The following FOXN2 variants were observed in gnomAD, a reference collection of about 807,000 sequenced individuals.
FOXN2 encodes forkhead box protein N2.
A neutral mutation model predicts 41.2 loss-of-function variants in FOXN2; 19 were observed. The ratio of observed to expected loss-of-function variants is 0.46; its 90% confidence interval spans 0.32 to 0.68. The LOEUF (loss-of-function observed/expected upper bound fraction) is 0.68. Among genes scored for constraint, FOXN2 ranks in the 30% least tolerant of loss-of-function variants. The pLI is 0.03. For missense variants in FOXN2, 587 were observed against 509.4 expected (o/e 1.15, Z -1.47); for synonymous variants, 195 against 176.8 (o/e 1.10, Z -0.82).
intron 3 of FOXN2, among the ~76,000 whole-genome samples, chr2:48,358,471 C>T (rs886167860): frequency 9.2e-5 from 14 of 152,160 alleles, no homozygotes; most frequent in South Asian, 6.2e-4. Context: ...AAGTAGTGAT[C>T]GGGACCTTGG....
At chr2:48,320,252 G>A (rs1402395142) in intron 1 of FOXN2, among the ~76,000 whole-genome samples, 1 of 151,666 alleles carries the variant, frequency 6.6e-6, no homozygotes, top group Non-Finnish European at 1.5e-5. Context: ...TGTTTACTAT[G>A]TATTGGCATA....
chr2:48,347,381 C>T (rs6737455), intron 3 of FOXN2, among the ~76,000 whole-genome samples: 18,079 of 151,662 alleles, frequency 0.12, 1,270 homozygotes, highest in African/African-American at 0.2. Context: ...GTGTGTGCCA[C>T]CACGCCCTGC....
In FOXN2 at chr2:48,376,310, GA is replaced by G. The variant is rs1673243419; in HGVS notation, c.*869del. 1 of 152,012 alleles carries G rather than the reference GA, an allele frequency of 6.6e-6. No individual in the cohort carries two copies. Among genetic ancestry groups the G allele is most frequent in the Admixed American group, 6.6e-5 (1 of 15,250 alleles). The allele number at this position is 152,012 out of a possible 1,614,324, so 9.4% of individuals were successfully genotyped here. Reference sequence around the variant, plus strand: ...CCATTTTGACACACTTGTAATAAGAGAATCTTTCATTTGCCTGCCATGTGTA... The same window carrying G: ...CCATTTTGACACACTTGTAATAAGAGATCTTTCATTTGCCTGCCATGTGTA... On this transcript the variant is annotated 3_prime_UTR_variant, in exon 7 of 7. Coordinates refer to ENST00000340553, the MANE Select transcript of FOXN2 (RefSeq NM_002158.4).
At chr2:48,326,369 G>A (rs919776686) in intron 1 of FOXN2, among the ~76,000 whole-genome samples, 1 of 152,146 alleles carries the variant, frequency 6.6e-6, no homozygotes, top group South Asian at 2.1e-4. Flanking sequence ...AATACGCAGG[G>A]TCTTGTATAC....
intron 2 of FOXN2, among the ~76,000 whole-genome samples, chr2:48,338,417 G>A (rs1363476455): frequency 1.3e-5 from 2 of 150,268 alleles, no homozygotes; most frequent in African/African-American, 4.9e-5. Context: ...TTTTTGAGAC[G>A]GAATCTCGGA....
At chr2:48,370,521 T>C (rs1425411221) in intron 5 of FOXN2, among the ~76,000 whole-genome samples, 2 of 152,170 alleles carry the variant, frequency 1.3e-5, no homozygotes, top group African/African-American at 4.8e-5. Flanking sequence ...ATATTTAAAA[T>C]TGTAACCACT....
intron 2 of FOXN2, among the ~76,000 whole-genome samples, chr2:48,333,812 T>C (rs926689069): frequency 6.6e-6 from 1 of 152,210 alleles, no homozygotes; most frequent in Admixed American, 6.5e-5. Flanking sequence ...CCCTCTTTAC[T>C]GTAAATATAC....
chr2:48,369,099 A>G (rs1482290030), intron 5 of FOXN2, among the ~76,000 whole-genome samples: 1 of 152,218 alleles, frequency 6.6e-6, no homozygotes, highest in African/African-American at 2.4e-5. Context: ...CTGTTATAGA[A>G]ACAGTACTTA....
chr2:48,316,634 AAT>A (rs1668937215), intron 1 of FOXN2, among the ~76,000 whole-genome samples: 2 of 152,338 alleles, frequency 1.3e-5, no homozygotes, highest in East Asian at 3.9e-4. Context: ...AAGAGAATGA[AAT>A]ATAATTTTTA....
At chr2:48,353,472 A>G (rs1671584124) in intron 3 of FOXN2, among the ~76,000 whole-genome samples, 1 of 151,178 alleles carries the variant, frequency 6.6e-6, no homozygotes, top group South Asian at 2.1e-4. Context: ...TATCCCAGTT[A>G]TGTATAGATT....
At chr2:48,361,721 G>A (rs1336573677) in intron 4 of FOXN2, among the ~76,000 whole-genome samples, 1 of 151,634 alleles carries the variant, frequency 6.6e-6, no homozygotes, top group African/African-American at 2.4e-5. Flanking sequence ...TTTTTTTCAT[G>A]CTATCATAAA....
intron 1 of FOXN2, among the ~76,000 whole-genome samples, chr2:48,325,127 T>G (rs921442673): frequency 2.6e-5 from 4 of 152,180 alleles, no homozygotes; most frequent in Non-Finnish European, 5.9e-5. Context: ...TTTTTGGTCT[T>G]TTGTACTTAA....
chr2:48,342,362 A>G (rs1670831920), intron 2 of FOXN2, among the ~76,000 whole-genome samples: 1 of 151,978 alleles, frequency 6.6e-6, no homozygotes, highest in Non-Finnish European at 1.5e-5. Context: ...TTGGATGAAT[A>G]TCTGTGTGTC....
intron 3 of FOXN2, among the ~76,000 whole-genome samples, chr2:48,348,655 A>T (rs1671263321): frequency 6.6e-6 from 1 of 152,248 alleles, no homozygotes; most frequent in South Asian, 2.1e-4. Flanking sequence ...GGTATTGGTC[A>T]GTCTAGTTAG....
At chr2:48,337,979 A>G (rs1262626728) in intron 2 of FOXN2, among the ~76,000 whole-genome samples, 1 of 152,206 alleles carries the variant, frequency 6.6e-6, no homozygotes, top group Admixed American at 6.5e-5. Flanking sequence ...TGCGATTAAC[A>G]AGCTTCATCC....
chr2:48,323,950 T>G (rs1669501501), intron 1 of FOXN2, among the ~76,000 whole-genome samples: 1 of 152,164 alleles, frequency 6.6e-6, no homozygotes, highest in Non-Finnish European at 1.5e-5. Flanking sequence ...GGCTATCCAA[T>G]TTAGTAGTGC....
At chr2:48,373,401 T>C (rs773492040) in intron 6 of FOXN2, 41 bp downstream of exon 6, 6 of 1,186,370 alleles carry the variant, frequency 5.1e-6, no homozygotes, top group Non-Finnish European at 6.1e-6. Context: ...TTTTAGTGCC[T>C]TTTCAAATTT....
intron 5 of FOXN2, among the ~76,000 whole-genome samples, chr2:48,366,273 C>G (rs1672527982): frequency 6.6e-6 from 1 of 151,130 alleles, no homozygotes; most frequent in Non-Finnish European, 1.5e-5. Context: ...GCAGGAGAAT[C>G]ACTTGAACTT....
At chr2:48,369,562 A>G (rs780929377) in intron 5 of FOXN2, among the ~76,000 whole-genome samples, 11 of 152,264 alleles carry the variant, frequency 7.2e-5, no homozygotes, top group East Asian at 1.9e-4. Flanking sequence ...CAAGTTAGAG[A>G]TATACTAATT....
Sources: allele counts gnomAD v4.1 joint callset (sites outside exome capture counted in the v4.1 genomes callset), GRCh38; gene constraint gnomAD v4.1.1; transcripts MANE v1.5; gene names NCBI Gene and HGNC (gene_info 2026-07-23, HGNC 2026-07-21).